The following THAP6 variants were observed in gnomAD, a reference collection of about 807,000 sequenced individuals.
The protein encoded by THAP6 is THAP domain containing 6, also known as THAP domain-containing protein 6.
Under a neutral mutation model 20.0 loss-of-function variants are expected in THAP6, and 13 were observed. The observed-to-expected ratio is 0.65, with a 90% confidence interval of 0.42 to 1.03. The LOEUF (loss-of-function observed/expected upper bound fraction) is 1.03. THAP6 is among the 50% of genes least tolerant of loss of function. THAP6 has a pLI of 0.00. For synonymous variants in THAP6, 93 were observed against 92.2 expected, an observed-to-expected ratio of 1.01 and a Z score of -0.05; for missense variants, 262 against 261.6, an observed-to-expected ratio of 1.00 and a Z score of -0.01.
intron 2 of THAP6, among the ~76,000 whole-genome samples, chr4:75,540,135 T>C (rs1726966302): frequency 6.6e-6 from 1 of 152,232 alleles, no homozygotes; most frequent in Non-Finnish European, 1.5e-5. Flanking sequence ...ATTCACCCGT[T>C]CATTCAACTT....
chr4:75,515,100 G>A (rs866980428), intron 1 of THAP6: 87 of 207,464 alleles, frequency 4.2e-4, no homozygotes, highest in African/African-American at 1.8e-3. Flanking sequence ...CTTCCCTGGG[G>A]AAGCGATGCA....
chr4:75,514,633 G>C lies in THAP6; in HGVS notation c.-21+113G>C, dbSNP rs1214417644. 7.8e-5 allele frequency: 17 copies of C among 217,008 alleles called. No individual in the cohort carries two copies. The Admixed American group carries it at 8.5e-4, about 11-fold the overall frequency. 13.4% of individuals were successfully genotyped at this position (217,008 alleles called of 1,614,324 possible). On this transcript the variant is annotated intron_variant, in intron 1 of 4. Transcript: ENST00000311638. ...CGCGGAGACGCTGGTTGGCCCCAGA[G>C]GAAAGGACGCTCACTGGGCGCATCG...
chr4:75,529,776 A>G lies in THAP6; in HGVS notation c.*2562A>G, dbSNP rs554988652. On this transcript the variant is annotated 3_prime_UTR_variant, in exon 5 of 5. Transcript: ENST00000311638. ...AGGAACACATTAATACAACAGTTCA[A>G]CCTCAGCACCAAGTCAGGTACGAAG... is the stretch of plus-strand genomic sequence containing the variant. 7 of 985,392 alleles carry G rather than the reference A, an allele frequency of 7.1e-6. No homozygotes were observed. The highest frequency in any genetic ancestry group is 8.4e-6 in the Non-Finnish European group (7 of 829,932). The allele number at this position is 985,392 out of a possible 1,614,324, so 61.0% of individuals were successfully genotyped here. A position where few individuals can be genotyped will look rare whatever the true frequency, so the allele number is the denominator to read the frequency against.
intron 2 of THAP6, among the ~76,000 whole-genome samples, chr4:75,541,955 CA>C (rs61213735): frequency 0.28 from 28,217 of 102,210 alleles, 2,521 homozygotes; most frequent in Middle Eastern, 0.47. Flanking sequence ...AGACTGTCTC[CA>C]AAAAAAAAAA....
At chr4:75,532,863 C>T (rs186129109), downstream of THAP6, among the ~76,000 whole-genome samples, 300 of 152,276 alleles carry the variant, frequency 2.0e-3, 2 homozygotes, top group African/African-American at 6.5e-3. Context: ...GCACACAACA[C>T]GGGGACCCTG....
chr4:75,520,181 T>G (rs1006267410), intron 3 of THAP6, among the ~76,000 whole-genome samples: 1 of 152,186 alleles, frequency 6.6e-6, no homozygotes, highest in Non-Finnish European at 1.5e-5. Context: ...GGGTTGTTTG[T>G]TTTTTTCTTG....
rs187141077 is a variant in THAP6 at position 75,523,602 on chromosome 4, G to A, written c.414+1741G>A. On this transcript the variant is annotated intron_variant, in intron 4 of 4. Coordinates refer to ENST00000311638, the MANE Select transcript of THAP6 (RefSeq NM_144721.6). ...ATAGATTGCTTGAGCTCAGGAGTTCGAGACCAGCCTGGGAAACATGGTGAA... is the reference window on the plus strand; with the variant it reads ...ATAGATTGCTTGAGCTCAGGAGTTCAAGACCAGCCTGGGAAACATGGTGAA... 3.2e-4 allele frequency among the ~76,000 whole-genome samples: 49 copies of A among 152,042 alleles called. No individual in the cohort carries two copies. The East Asian group carries it at 7.9e-3, about 25-fold the overall frequency.
At chr4:75,542,335 A>G (rs150830877) in intron 2 of THAP6, 90 of 666,968 alleles carry the variant, frequency 1.3e-4, no homozygotes, top group African/African-American at 1.2e-3. Context: ...GATATCTGGG[A>G]AGTATTGCAT....
rs1037011784 is a variant in THAP6 at position 75,521,800 on chromosome 4, A to G, written c.353A>G (p.Tyr118Cys). ...CTCAAAACCGTTCCAGCCACTAACT[A>G]CAATCACCATCTTGTTGGTGCTTCC... ...FTLKTVPATNYNHHLVGASSC... is the reference protein window; with the variant it reads ...FTLKTVPATNCNHHLVGASSC... Residue 118 changes from tyrosine to cysteine, a missense_variant, in exon 4 of 5, where the codon TAC becomes TGC. Tyr to Cys is a radical substitution (Grantham distance 194). Coordinates refer to ENST00000311638, the MANE Select transcript of THAP6 (RefSeq NM_144721.6). 1 of 1,613,474 alleles carries G rather than the reference A, an allele frequency of 6.2e-7. No individual in the cohort carries two copies. The highest frequency in any genetic ancestry group is 8.5e-7 in the Non-Finnish European group (1 of 1,179,596).
chr4:75,522,813 GCAC>G (rs1474570001), intron 4 of THAP6, among the ~76,000 whole-genome samples: 4 of 152,036 alleles, frequency 2.6e-5, no homozygotes, highest in African/African-American at 9.7e-5. Flanking sequence ...TGGTGTTTAA[GCAC>G]CACATTTTCT....
intron 2 of THAP6, among the ~76,000 whole-genome samples, chr4:75,542,210 G>C (rs1408548974): frequency 6.6e-6 from 1 of 152,114 alleles, no homozygotes; most frequent in African/African-American, 2.4e-5. Context: ...CCTGTGACTG[G>C]TCACCAGCAG....
At chr4:75,514,295 C>T (rs767784574), upstream of THAP6, 5 of 1,609,830 alleles carry the variant, frequency 3.1e-6, no homozygotes, top group South Asian at 4.4e-5. Flanking sequence ...ATCTCCTCCA[C>T]CTCCCCTCAC....
Position 75,521,776 on chromosome 4 carries a change from T to G in THAP6, c.329T>G (p.Leu110Arg). The G allele has an allele frequency of 6.2e-7, 1 of 1,613,338 alleles. No individual in the cohort carries two copies. The highest frequency in any genetic ancestry group is 1.1e-5 in the South Asian group (1 of 91,012). Reference protein sequence around the residue: ...EKLHCRKNFTLKTVPATNYNH... With the variant: ...EKLHCRKNFTRKTVPATNYNH... Reference sequence around the variant, plus strand: ...CTTCATTGTAGAAAAAACTTCACCCTCAAAACCGTTCCAGCCACTAACTAC... The same window carrying G: ...CTTCATTGTAGAAAAAACTTCACCCGCAAAACCGTTCCAGCCACTAACTAC... Residue 110 changes from leucine to arginine, a missense_variant, in exon 4 of 5, where the codon CTC (leucine) becomes CGC (arginine). Coordinates refer to ENST00000311638, the MANE Select transcript of THAP6 (RefSeq NM_144721.6).
At position 75,527,199 on chromosome 4, in the gene THAP6, G is replaced by A. The variant is rs1364835440; in HGVS notation, c.654G>A (p.Gln218=). 3.1e-6 allele frequency: 5 copies of A among 1,602,288 alleles called. No individual in the cohort carries two copies. Among genetic ancestry groups the A allele is most frequent in the African/African-American group, 1.3e-5 (1 of 74,562 alleles). ...CWDCCQESIE[Q]DYIS ...ACTGTTGTCAGGAGAGCATAGAACA[G>A]GACTATATTTCATGAAATAATTTCA... Residue 218 remains glutamine (Q), a synonymous_variant, in exon 5 of 5, where the codon CAG becomes CAA. Transcript: ENST00000311638.
chr4:75,528,453 G>A lies in THAP6; in HGVS notation c.*1239G>A, dbSNP rs1438744718. ...TGGACCTCATTCAGAAGTCCATGTT[G>A]TAGCAGTTAGAATTTGAGTATCAGC... is the stretch of plus-strand genomic sequence containing the variant. On this transcript the variant is annotated 3_prime_UTR_variant, in exon 5 of 5. Transcript: ENST00000311638. 2 of 985,364 alleles carry A rather than the reference G, an allele frequency of 2.0e-6. No homozygotes were observed. The highest frequency in any genetic ancestry group is 2.4e-6 in the Non-Finnish European group (2 of 829,850). The allele number at this position is 985,364 out of a possible 1,614,324, so 61.0% of individuals were successfully genotyped here. A position where few individuals can be genotyped will look rare whatever the true frequency, so the allele number is the denominator to read the frequency against.
rs1726573474 is a variant in THAP6 at position 75,529,285 on chromosome 4, C to G, written c.*2071C>G. On this transcript the variant is annotated 3_prime_UTR_variant, in exon 5 of 5. Coordinates refer to ENST00000311638, the MANE Select transcript of THAP6 (RefSeq NM_144721.6). ...CACAGTATGTCTAAATTCTAGCACT[C>G]TACTGGCTGCTTAGAATACACCAAA... 1.7e-5 allele frequency: 17 copies of G among 985,374 alleles called. No individual in the cohort carries two copies. The highest frequency in any genetic ancestry group is 2.0e-5 in the Non-Finnish European group (17 of 829,924). The allele number at this position is 985,374 out of a possible 1,614,324, so 61.0% of individuals were successfully genotyped here.
chr4:75,535,189 C>T (rs1726816906), intron 2 of THAP6, among the ~76,000 whole-genome samples: 1 of 152,170 alleles, frequency 6.6e-6, no homozygotes, highest in South Asian at 2.1e-4. Flanking sequence ...AAGACCTGCC[C>T]CCATGGTTCA....
intron 2 of THAP6, among the ~76,000 whole-genome samples, chr4:75,536,026 G>T (rs542439974): frequency 2.1e-4 from 32 of 152,258 alleles, no homozygotes; most frequent in South Asian, 1.7e-3. Context: ...TTGTTAACTT[G>T]ATTACTGCAA....
At chr4:75,546,900 T>C (rs1727138961) in intron 3 of THAP6, among the ~76,000 whole-genome samples, 1 of 152,062 alleles carries the variant, frequency 6.6e-6, no homozygotes, top group African/African-American at 2.4e-5. Context: ...CCCAGAAACA[T>C]CCAGAATAAT....
Sources: allele counts gnomAD v4.1 joint callset (sites outside exome capture counted in the v4.1 genomes callset), GRCh38; gene constraint gnomAD v4.1.1; transcripts MANE v1.5; gene names NCBI Gene and HGNC (gene_info 2026-07-23, HGNC 2026-07-21).